The following FNBP4 variants were observed in gnomAD, a reference collection of about 807,000 sequenced individuals.
FNBP4 encodes formin-binding protein 4.
In FNBP4, 34 loss-of-function variants were observed where a neutral mutation model predicts 119.3. The observed-to-expected ratio is 0.28, with a 90% CI of 0.22 to 0.38. The LOEUF is 0.38. Ranked by LOEUF, FNBP4 falls within the 10% of genes least tolerant of loss-of-function variation. The probability of loss-of-function intolerance (pLI) is 1.00; values close to 1 mark genes in which losing one functional copy is unlikely to be tolerated. For missense variants in FNBP4, 1,112 were observed against 1,228.9 expected (o/e 0.90, Z 1.42); for synonymous variants, 462 against 430.6 (o/e 1.07, Z -0.90).
chr11:47,736,109 T>C (rs1337974149), intron 9 of FNBP4, among the ~76,000 whole-genome samples: 2 of 148,936 alleles, frequency 1.3e-5, no homozygotes, highest in Admixed American at 1.3e-4. Context: ...GGCGTAGTGG[T>C]GGGTGCCTGT....
Position 47,732,714 on chromosome 11 carries a change from T to C in FNBP4, c.1687-44A>G. The stretch of plus-strand genomic sequence containing the variant: ...TAAGTTAAAGACTTATTATTACATG[T>C]CAGGAGACACAGGCAAAGGGGATAT... On this transcript the variant is annotated intron_variant, in intron 10 of 16. Coordinates refer to ENST00000263773, the MANE Select transcript of FNBP4 (RefSeq NM_015308.5). The surrounding 1 kb of genome is among the most constrained non-coding windows in gnomAD (Gnocchi z 4.2). 6.3e-7 allele frequency: 1 copy of C among 1,590,088 alleles called. No homozygotes were observed. The highest frequency in any genetic ancestry group is 1.1e-5 in the South Asian group (1 of 90,446).
chr11:47,747,193 T>C (rs149832964), intron 6 of FNBP4, among the ~76,000 whole-genome samples: 370 of 152,108 alleles, frequency 2.4e-3, no homozygotes, highest in Middle Eastern at 0.014. Context: ...GATGCACCAC[T>C]ACACCCAGCT....
Position 47,731,359 on chromosome 11 carries a change from G to C in FNBP4, c.2008+15C>G, listed in dbSNP as rs202155160. ...AGTCATTTTGGCTGAATTAGTACAA[G>C]GTAAATTGTCTCACCTGTGGAAGTT... On this transcript the variant is annotated intron_variant, in intron 12 of 16. Coordinates refer to ENST00000263773, the MANE Select transcript of FNBP4 (RefSeq NM_015308.5). 3.8e-6 allele frequency: 6 copies of C among 1,591,806 alleles called. No individual in the cohort carries two copies. Among genetic ancestry groups the C allele is most frequent in the Non-Finnish European group, 4.3e-6 (5 of 1,171,704 alleles).
chr11:47,747,814 G>A (rs539337701), intron 6 of FNBP4, among the ~76,000 whole-genome samples: 11 of 152,062 alleles, frequency 7.2e-5, no homozygotes, highest in African/African-American at 1.4e-4. Context: ...CCGGCATGGC[G>A]GCGTGCGCCT....
At chr11:47,764,431 T>C (rs1599274042) in intron 2 of FNBP4, among the ~76,000 whole-genome samples, 2 of 152,182 alleles carry the variant, frequency 1.3e-5, no homozygotes, top group Admixed American at 6.5e-5. Flanking sequence ...AAATAACATA[T>C]GCAGTTGGCA....
chr11:47,729,008 C>G (rs559548407), intron 12 of FNBP4: 1 of 227,446 alleles, frequency 4.4e-6, no homozygotes, highest in Admixed American at 6.5e-5. Context: ...GCTGCCACCA[C>G]GCCCAGCTAA....
chr11:47,760,897 C>T (rs2097632840), intron 2 of FNBP4, among the ~76,000 whole-genome samples: 1 of 152,120 alleles, frequency 6.6e-6, no homozygotes, highest in Non-Finnish European at 1.5e-5. Context: ...GCAACAGGTA[C>T]CAAGAGCTAC....
At chr11:47,725,085 C>A in intron 12 of FNBP4, 1 of 219,650 alleles carries the variant, frequency 4.6e-6, no homozygotes, top group Non-Finnish European at 8.9e-6. Flanking sequence ...ACTTGTCCTT[C>A]GGGTCCATAT....
intron 12 of FNBP4, chr11:47,729,427 C>T: frequency 1.0e-6 from 1 of 985,262 alleles, no homozygotes; most frequent in Non-Finnish European, 1.2e-6. Flanking sequence ...ACTGAAACAA[C>T]AAATAATGAT....
intron 4 of FNBP4, among the ~76,000 whole-genome samples, chr11:47,752,201 A>AT (rs2097605366): frequency 6.6e-6 from 1 of 151,996 alleles, no homozygotes; most frequent in Non-Finnish European, 1.5e-5. Flanking sequence ...AGGCAGGTGG[A>AT]TCCCCCGAGG....
chr11:47,723,878 AG>A, intron 14 of FNBP4, 149 bp downstream of exon 14: 1 of 674,604 alleles, frequency 1.5e-6, no homozygotes, highest in South Asian at 2.6e-5. Flanking sequence ...AACTGTCAAA[AG>A]TTTTTTTTTT....
At chr11:47,730,332 A>C (rs2097565948) in intron 12 of FNBP4, 1 of 695,882 alleles carries the variant, frequency 1.4e-6, no homozygotes. Flanking sequence ...TGCACTTCTA[A>C]AATGTGAAGT....
At chr11:47,735,039 C>A (rs774451921) in intron 9 of FNBP4, among the ~76,000 whole-genome samples, 1 of 138,106 alleles carries the variant, frequency 7.2e-6, no homozygotes, top group Non-Finnish European at 1.5e-5. Context: ...GTTAACAATA[C>A]CTGAAATTTG....
At chr11:47,762,732 G>A (rs1434147737) in intron 2 of FNBP4, among the ~76,000 whole-genome samples, 1 of 151,432 alleles carries the variant, frequency 6.6e-6, no homozygotes, top group African/African-American at 2.4e-5. Context: ...GGCCAACATG[G>A]TGAACCGTCT....
chr11:47,731,685 TCA>T, intron 11 of FNBP4, 124 bp from the exon 12 acceptor site: 1 of 1,440,318 alleles, frequency 6.9e-7, no homozygotes, highest in Non-Finnish European at 9.0e-7. Flanking sequence ...GGACTGCTAT[TCA>T]CAAAGGCAAC....
At chr11:47,718,214 GTTTT>G (rs199670123) in intron 16 of FNBP4, among the ~76,000 whole-genome samples, 1 of 150,074 alleles carries the variant, frequency 6.7e-6, no homozygotes, top group Non-Finnish European at 1.5e-5. Context: ...GGGATCTAAT[GTTTT>G]TTTTTCTGTT....
Position 47,717,196 on chromosome 11 carries a change from A to G in FNBP4, c.*226T>C. The G allele has an allele frequency of 4.2e-6, 2 of 478,520 alleles. No homozygotes were observed. The highest frequency in any genetic ancestry group is 3.1e-5 in the South Asian group (1 of 32,702). The allele number at this position is 478,520 out of a possible 1,614,324, so 29.6% of individuals were successfully genotyped here. On this transcript the variant is annotated 3_prime_UTR_variant, in exon 17 of 17. Coordinates refer to ENST00000263773, the MANE Select transcript of FNBP4 (RefSeq NM_015308.5). ...AACATGCTAAGTTTGCCAGTTTGAG[A>G]ATAAAGGCAGCATGGTCAAAGCAAT...
At position 47,723,229 on chromosome 11, in the gene FNBP4, T is replaced by C. The variant is rs1240879911; in HGVS notation, c.2552A>G (p.His851Arg). The C allele has an allele frequency of 6.2e-7, 1 of 1,614,130 alleles. No homozygotes were observed. The highest frequency in any genetic ancestry group is 8.5e-7 in the Non-Finnish European group (1 of 1,180,052). The change falls in exon 15 of 17, where the codon CAT becomes CGT. Residue 851 changes from histidine (H) to arginine (R), a missense_variant. Around this residue, in one of 2 missense-constraint regions of FNBP4, gnomAD observed 826 missense variants for 988.8 expected, o/e 0.84. Transcript: ENST00000263773. Reference protein sequence around the residue: ...PVSLPAAGMGHQARGMSLQSN... With the variant: ...PVSLPAAGMGRQARGMSLQSN... ...CTGCAGGCTCATTCCTCTGGCCTGA[T>C]GACCCATTCCTGCTGCTGGAAGGCT...
At chr11:47,742,342 G>C (rs918773307) in intron 8 of FNBP4, among the ~76,000 whole-genome samples, 1 of 151,136 alleles carries the variant, frequency 6.6e-6, no homozygotes, top group Non-Finnish European at 1.5e-5. Flanking sequence ...AGCTGGGCAT[G>C]GTAGCAGGCG....
Sources: gnomAD v4.1 joint callset for allele counts (sites outside exome capture counted in the v4.1 genomes callset) on GRCh38, gnomAD v4.1.1 for gene constraint, gnomAD v4.1.1 regional missense constraint, Gnocchi (gnomAD v3.1) non-coding constraint, MANE v1.5 for transcripts, NCBI Gene and HGNC (gene_info 2026-07-23, HGNC 2026-07-21) for gene names.